ULK4: variants seen among roughly 807,000 people sequenced by gnomAD.
ULK4 encodes the protein inactive serine/threonine-protein kinase ULK4.
A neutral mutation model predicts 160.6 loss-of-function variants in ULK4; 133 were observed. That is an observed-to-expected ratio of 0.83 (90% CI 0.72 to 0.96). The LOEUF (loss-of-function observed/expected upper bound fraction) is 0.96, where lower values mean the gene tolerates loss of function less well. Ranked by LOEUF, ULK4 falls within the 40% of genes least tolerant of loss-of-function variation. ULK4 has a pLI of 0.00. For synonymous variants in ULK4, 534 were observed against 539.8 expected (o/e 0.99, Z 0.15); for missense variants, 1,580 against 1,499.5 (o/e 1.05, Z -0.89).
intron 2 of ULK4, among the ~76,000 whole-genome samples, chr3:41,948,376 G>A (rs999064610): frequency 6.6e-6 from 1 of 151,990 alleles, no homozygotes; most frequent in African/African-American, 2.4e-5. Flanking sequence ...GCTTGAACAG[G>A]GGAGGCAGAG....
intron 1 of ULK4, among the ~76,000 whole-genome samples, chr3:41,960,592 T>C (rs1466281425): frequency 1.3e-5 from 2 of 152,156 alleles, no homozygotes; most frequent in African/African-American, 2.4e-5. Context: ...CTAGAACTCC[T>C]GGCCTCAAGT....
chr3:41,272,322 T>C (rs537832032), intron 35 of ULK4, among the ~76,000 whole-genome samples: 3 of 151,820 alleles, frequency 2.0e-5, no homozygotes, highest in Admixed American at 6.6e-5. Flanking sequence ...AAAATGTCTT[T>C]TGTTGCTTTC....
chr3:41,741,271 C>T (rs994194930), intron 22 of ULK4, among the ~76,000 whole-genome samples: 1 of 151,946 alleles, frequency 6.6e-6, no homozygotes, highest in Admixed American at 6.6e-5. Context: ...ATTATTCTTC[C>T]ATATGCATTT....
At chr3:41,504,109 A>C (rs2085300748) in intron 32 of ULK4, among the ~76,000 whole-genome samples, 1 of 152,168 alleles carries the variant, frequency 6.6e-6, no homozygotes, top group African/African-American at 2.4e-5. Flanking sequence ...TCAGGTAGAG[A>C]ATGCTTGTCC....
intron 35 of ULK4, among the ~76,000 whole-genome samples, chr3:41,375,232 C>T (rs933633322): frequency 4.6e-5 from 7 of 152,072 alleles, no homozygotes; most frequent in African/African-American, 9.7e-5. Flanking sequence ...AGATTCAATG[C>T]GATTCCCATC....
intron 30 of ULK4, among the ~76,000 whole-genome samples, chr3:41,648,715 T>A (rs1044166637): frequency 1.1e-4 from 16 of 152,170 alleles, no homozygotes; most frequent in African/African-American, 3.6e-4. Context: ...CTTTAGGGAA[T>A]GTTGAGGGAG....
intron 35 of ULK4, among the ~76,000 whole-genome samples, chr3:41,382,626 T>G (rs946665433): frequency 6.6e-6 from 1 of 152,184 alleles, no homozygotes; most frequent in Non-Finnish European, 1.5e-5. Flanking sequence ...TGAATAGTTC[T>G]GTTGACTGAA....
chr3:41,777,316 T>C (rs1240042873), intron 21 of ULK4, among the ~76,000 whole-genome samples: 2 of 76,076 alleles, frequency 2.6e-5, no homozygotes, highest in East Asian at 3.3e-4. Flanking sequence ...TCTCTCTTTT[T>C]TTCTTTATTA....
At chr3:41,916,420 G>C (rs574933267) in intron 7 of ULK4, among the ~76,000 whole-genome samples, 246 of 152,232 alleles carry the variant, frequency 1.6e-3, no homozygotes, top group African/African-American at 5.4e-3. Flanking sequence ...ATAGAGTCTT[G>C]CTCTGTCACC....
At chr3:41,829,253 A>C (rs1294784444) in intron 18 of ULK4, among the ~76,000 whole-genome samples, 1 of 147,370 alleles carries the variant, frequency 6.8e-6, no homozygotes, top group Non-Finnish European at 1.5e-5. Flanking sequence ...CTTCATGTGT[A>C]AAACACCAAA....
intron 22 of ULK4, among the ~76,000 whole-genome samples, chr3:41,726,222 T>C (rs1289872084): frequency 6.6e-6 from 1 of 152,202 alleles, no homozygotes; most frequent in Non-Finnish European, 1.5e-5. Flanking sequence ...AGACTGTTAA[T>C]ACATAAGAAA....
chr3:41,339,257 G>A (rs2080630711), intron 35 of ULK4, among the ~76,000 whole-genome samples: 1 of 152,070 alleles, frequency 6.6e-6, no homozygotes, highest in Non-Finnish European at 1.5e-5. Flanking sequence ...CCAGCAGCTC[G>A]CAGCAGGACT....
intron 35 of ULK4, among the ~76,000 whole-genome samples, chr3:41,316,411 T>G (rs986253395): frequency 6.6e-6 from 1 of 152,218 alleles, no homozygotes; most frequent in Non-Finnish European, 1.5e-5. Flanking sequence ...GAATTATATC[T>G]CAATAAAGCT....
chr3:41,861,634 G>A (rs990540340), intron 17 of ULK4, among the ~76,000 whole-genome samples: 4 of 151,982 alleles, frequency 2.6e-5, no homozygotes, highest in Admixed American at 6.6e-5. Flanking sequence ...TCTTCTTTGG[G>A]TTAAATCTGC....
chr3:41,632,350 A>C lies in ULK4; in HGVS notation c.3072-16633T>G, dbSNP rs2033782223. Among the ~76,000 whole-genome samples, 4 of 152,240 alleles carry C rather than the reference A, an allele frequency of 2.6e-5. No homozygotes were observed. The South Asian group carries it at 8.3e-4, about 31-fold the overall frequency. ...TAAAATTATTTTCCATTTAATGAACATGCTTACTTCCTAAAGTAATTTTTT... is the reference window on the plus strand; with the variant it reads ...TAAAATTATTTTCCATTTAATGAACCTGCTTACTTCCTAAAGTAATTTTTT... On this transcript the variant is annotated intron_variant, in intron 30 of 36. Coordinates refer to ENST00000301831, the MANE Select transcript of ULK4 (RefSeq NM_017886.4).
intron 27 of ULK4, among the ~76,000 whole-genome samples, chr3:41,691,543 G>A (rs931656967): frequency 3.3e-5 from 5 of 151,840 alleles, no homozygotes; most frequent in East Asian, 3.9e-4. Context: ...AGACCCATAC[G>A]GATTTGCCAC....
At position 41,907,903 on chromosome 3, in the gene ULK4, A is replaced by G. The variant is rs1401137159; in HGVS notation, c.1124T>C (p.Val375Ala). 1 of 1,606,726 alleles carries G rather than the reference A, an allele frequency of 6.2e-7. No individual in the cohort carries two copies. Among genetic ancestry groups the G allele is most frequent in the East Asian group, 2.3e-5 (1 of 44,254 alleles). Residue 375 changes from valine (V) to alanine (A), a missense_variant, in exon 12 of 37, where the codon GTA (valine) becomes GCA (alanine). By Grantham distance (64) the Val-to-Ala change is moderately conservative (BLOSUM62 0). Coordinates refer to ENST00000301831, the MANE Select transcript of ULK4 (RefSeq NM_017886.4). Reference protein sequence around the residue: ...PTPRTSTAVEVSPGEDMTHCS... With the variant: ...PTPRTSTAVEASPGEDMTHCS... ...GTGAGTCATATCCTCACCAGGACTT[A>G]CTTCCACTGCAGTGCTAGTTCTGGG...
intron 34 of ULK4, among the ~76,000 whole-genome samples, chr3:41,438,250 T>C (rs1023879688): frequency 3.3e-5 from 5 of 152,126 alleles, no homozygotes; most frequent in African/African-American, 1.2e-4. Context: ...TATACACATA[T>C]ATAAAGTGTG....
chr3:41,880,915 T>G (rs1575876689), intron 17 of ULK4, among the ~76,000 whole-genome samples: 2 of 151,100 alleles, frequency 1.3e-5, no homozygotes, highest in African/African-American at 4.9e-5. Context: ...AGAGCGAGAC[T>G]CTATCGCAAA....
Sources: gnomAD v4.1 joint callset for allele counts (sites outside exome capture counted in the v4.1 genomes callset) on GRCh38, gnomAD v4.1.1 for gene constraint, MANE v1.5 for transcripts, NCBI Gene and HGNC (gene_info 2026-07-23, HGNC 2026-07-21) for gene names.